Variants in PTPRE observed in about 807,000 individuals in gnomAD.
PTPRE encodes the protein protein tyrosine phosphatase receptor type E, also known as receptor-type tyrosine-protein phosphatase epsilon.
A neutral mutation model predicts 102.0 loss-of-function variants in PTPRE; 51 were observed. The observed-to-expected ratio is 0.50, with a 90% CI of 0.40 to 0.63. The LOEUF is 0.63. Among genes scored for constraint, PTPRE ranks in the 30% least tolerant of loss-of-function variants. PTPRE has a pLI of 0.00. For missense variants in PTPRE, 752 were observed against 915.1 expected, an observed-to-expected ratio of 0.82 and a Z score of 2.30; for synonymous variants, 345 against 348.2, an observed-to-expected ratio of 0.99 and a Z score of 0.10.
At chr10:128,034,918 A>G (rs912777848) in intron 2 of PTPRE, among the ~76,000 whole-genome samples, 1 of 152,210 alleles carries the variant, frequency 6.6e-6, no homozygotes, top group Admixed American at 6.5e-5. Flanking sequence ...GAGAATAAGT[A>G]TTATTTTACG....
chr10:128,034,976 T>C (rs745790755), intron 2 of PTPRE, among the ~76,000 whole-genome samples: 1 of 152,234 alleles, frequency 6.6e-6, no homozygotes, highest in Non-Finnish European at 1.5e-5. Context: ...TTTTTTCTTT[T>C]ATTTTTATTT....
intron 7 of PTPRE, among the ~76,000 whole-genome samples, chr10:128,057,611 T>G (rs1020414622): frequency 2.0e-5 from 3 of 152,258 alleles, no homozygotes; most frequent in Non-Finnish European, 2.9e-5. Context: ...GGGATTGATA[T>G]GTGGTTTTCA....
intron 1 of PTPRE, among the ~76,000 whole-genome samples, chr10:127,927,231 G>A (rs1847096875): frequency 6.6e-6 from 1 of 152,180 alleles, no homozygotes. Flanking sequence ...TAGGGAGATA[G>A]CATGTTGAAC....
intron 2 of PTPRE, among the ~76,000 whole-genome samples, chr10:128,038,706 A>G (rs947193226): frequency 6.6e-6 from 1 of 152,138 alleles, no homozygotes; most frequent in Non-Finnish European, 1.5e-5. Context: ...TACCTAGTGT[A>G]AATGACGAGT....
At chr10:128,033,185 T>C (rs1292489394) in intron 2 of PTPRE, among the ~76,000 whole-genome samples, 1 of 152,194 alleles carries the variant, frequency 6.6e-6, no homozygotes, top group Non-Finnish European at 1.5e-5. Context: ...TGCAAACTGC[T>C]AACAAAGCAT....
intron 1 of PTPRE, among the ~76,000 whole-genome samples, chr10:127,967,037 G>A (rs1298024136): frequency 2.0e-5 from 3 of 152,062 alleles, no homozygotes; most frequent in African/African-American, 7.2e-5. Context: ...ACACTTCAAG[G>A]GCAAAGTCAG....
chr10:127,991,261 T>A (rs907980666), intron 2 of PTPRE, among the ~76,000 whole-genome samples: 5 of 152,228 alleles, frequency 3.3e-5, no homozygotes, highest in Admixed American at 2.0e-4. Context: ...TTCCTTCCAA[T>A]CTGAAGCCAA....
chr10:127,929,293 T>A (rs1309313598), intron 1 of PTPRE: 1 of 152,202 alleles, frequency 6.6e-6, no homozygotes, highest in Non-Finnish European at 1.5e-5. Flanking sequence ...AACTTACATA[T>A]CCCTTAATAC....
At chr10:127,991,639 G>T (rs1852670181) in intron 2 of PTPRE, among the ~76,000 whole-genome samples, 1 of 152,134 alleles carries the variant, frequency 6.6e-6, no homozygotes, top group African/African-American at 2.4e-5. Context: ...TTTTCTGGGG[G>T]TAATACAAAT....
intron 1 of PTPRE, among the ~76,000 whole-genome samples, chr10:127,920,358 G>T (rs1846507207): frequency 6.6e-6 from 1 of 152,124 alleles, no homozygotes; most frequent in Admixed American, 6.6e-5. Context: ...TCTGGCTGAG[G>T]GTCCACTTTG....
intron 15 of PTPRE, 124 bp downstream of exon 15, chr10:128,071,025 G>A (rs1850722945): frequency 5.3e-6 from 5 of 935,970 alleles, no homozygotes; most frequent in African/African-American, 3.3e-5. Context: ...GTGTCCTCTG[G>A]CCTCAGGCTA....
chr10:128,060,051 A>G (rs1263187114), intron 7 of PTPRE, among the ~76,000 whole-genome samples: 1 of 147,286 alleles, frequency 6.8e-6, no homozygotes. Context: ...CACATACCAC[A>G]CACATACACA....
At chr10:128,037,957 A>ATTTTTTTTTTTTT (rs34089996) in intron 2 of PTPRE, among the ~76,000 whole-genome samples, 15 of 115,946 alleles carry the variant, frequency 1.3e-4, no homozygotes, top group Non-Finnish European at 1.9e-4. Context: ...TGTCCGGCTA[A>ATTTTTTTTTTTTT]TTTTTTTTTT....
intron 1 of PTPRE, among the ~76,000 whole-genome samples, chr10:127,953,222 A>G (rs1246441047): frequency 6.6e-6 from 1 of 152,232 alleles, no homozygotes; most frequent in African/African-American, 2.4e-5. Context: ...CTTGGGCCAT[A>G]TGACCCAGCA....
rs1255636071 is a variant in PTPRE, at chr10:128,070,728, G to C, written c.1294-80G>C. 3 of 1,456,492 alleles carry C rather than the reference G, an allele frequency of 2.1e-6. No homozygotes were observed. The highest frequency in any genetic ancestry group is 1.7e-4 in the Middle Eastern group (1 of 5,716). The allele number at this position is 1,456,492 out of a possible 1,614,324, so 90.2% of individuals were successfully genotyped here. ...TTCCTTTGAGCAGGCGTCCTTGCCA[G>C]CAGCACTAGTCCTCGGCTGAGCAAT... On this transcript the variant is annotated intron_variant, in intron 14 of 20. Transcript: ENST00000254667. The surrounding 1 kb of genome is among the most constrained non-coding windows in gnomAD (Gnocchi z 4.8).
intron 3 of PTPRE, among the ~76,000 whole-genome samples, chr10:128,041,208 T>A (rs1847662651): frequency 6.6e-6 from 1 of 151,842 alleles, no homozygotes; most frequent in Non-Finnish European, 1.5e-5. Flanking sequence ...AGGTGACCCA[T>A]CTACAACCCC....
chr10:127,994,505 G>A (rs1853050024), intron 2 of PTPRE, among the ~76,000 whole-genome samples: 1 of 152,224 alleles, frequency 6.6e-6, no homozygotes. Context: ...CCTTGCACAA[G>A]TGCTGGCATG....
intron 1 of PTPRE, among the ~76,000 whole-genome samples, chr10:127,931,031 T>A (rs1265735993): frequency 6.6e-6 from 1 of 152,096 alleles, no homozygotes; most frequent in Non-Finnish European, 1.5e-5. Flanking sequence ...GACCTCGTGA[T>A]CCACCCGCCT....
At chr10:127,993,786 T>TGTGTGTGTGC (rs1359735793) in intron 2 of PTPRE, among the ~76,000 whole-genome samples, 1 of 151,646 alleles carries the variant, frequency 6.6e-6, no homozygotes, top group Non-Finnish European at 1.5e-5. Context: ...TGTGTGTGTG[T>TGTGTGTGTGC]GCGTGTGTGT....
Sources: gnomAD v4.1 joint callset for allele counts (sites outside exome capture counted in the v4.1 genomes callset) on GRCh38, gnomAD v4.1.1 for gene constraint, Gnocchi (gnomAD v3.1) non-coding constraint, MANE v1.5 for transcripts, NCBI Gene and HGNC (gene_info 2026-07-23, HGNC 2026-07-21) for gene names.